CNBD1: variants seen among roughly 807,000 people sequenced by gnomAD.
CNBD1 encodes the protein cyclic nucleotide-binding domain-containing protein 1.
A neutral mutation model predicts 54.4 loss-of-function variants in CNBD1; 71 were observed. That is an observed-to-expected ratio of 1.30 (90% CI 1.08 to 1.59). CNBD1 has a LOEUF of 1.59. CNBD1 is among the 40% of genes most tolerant of loss of function. CNBD1 has a pLI of 0.00. For synonymous variants in CNBD1, 182 were observed against 170.7 expected (o/e 1.07, Z -0.51); for missense variants, 659 against 518.0 (o/e 1.27, Z -2.64).
chr8:87,353,159 A>G (rs771476147), intron 9 of CNBD1, among the ~76,000 whole-genome samples: 11 of 152,178 alleles, frequency 7.2e-5, no homozygotes, highest in Non-Finnish European at 1.6e-4. Flanking sequence ...TTGTACTTAA[A>G]CAGAAAAGAC....
At chr8:87,072,563 T>C (rs2130653719) in intron 4 of CNBD1, among the ~76,000 whole-genome samples, 1 of 147,720 alleles carries the variant, frequency 6.8e-6, no homozygotes, top group East Asian at 2.0e-4. Context: ...CTTTCACTTA[T>C]GAAGCTTAGT....
intron 5 of CNBD1, among the ~76,000 whole-genome samples, chr8:87,218,585 T>C (rs1814262934): frequency 6.6e-6 from 1 of 152,052 alleles, no homozygotes; most frequent in Non-Finnish European, 1.5e-5. Flanking sequence ...TGTAAACTTT[T>C]GGGAGAAATA....
chr8:87,184,955 A>C (rs1259459790), intron 4 of CNBD1, among the ~76,000 whole-genome samples: 2 of 152,110 alleles, frequency 1.3e-5, no homozygotes, highest in Non-Finnish European at 2.9e-5. Context: ...AGTATTTTAA[A>C]ATTATCTTTT....
chr8:86,933,082 G>C (rs1809483584), intron 3 of CNBD1, among the ~76,000 whole-genome samples: 1 of 152,146 alleles, frequency 6.6e-6, no homozygotes, highest in African/African-American at 2.4e-5. Flanking sequence ...GGGAGGGAAG[G>C]GATCTCCAGC....
chr8:87,112,573 CTCAGGAATAG>C (rs2130705879), intron 4 of CNBD1, among the ~76,000 whole-genome samples: 1 of 152,280 alleles, frequency 6.6e-6, no homozygotes, highest in South Asian at 2.1e-4. Context: ...AAAAGTTGCT[CTCAGGAATAG>C]TCACTCAATT....
chr8:87,386,300 C>T (rs771640482), downstream of CNBD1, among the ~76,000 whole-genome samples: 47 of 151,786 alleles, frequency 3.1e-4, no homozygotes, highest in Non-Finnish European at 3.1e-4. Flanking sequence ...AGTTTTCAGA[C>T]GATCAAACTA....
chr8:87,308,959 T>A (rs1809211402), intron 8 of CNBD1, among the ~76,000 whole-genome samples: 1 of 152,324 alleles, frequency 6.6e-6, no homozygotes, highest in Non-Finnish European at 1.5e-5. Context: ...CTATTATGTA[T>A]GCATGCCACA....
chr8:87,034,857 T>C (rs73275718), intron 4 of CNBD1, among the ~76,000 whole-genome samples: 4,553 of 152,252 alleles, frequency 0.03, 232 homozygotes, highest in African/African-American at 0.1. Context: ...GGATCAACTA[T>C]ATACATATAT....
intron 3 of CNBD1, among the ~76,000 whole-genome samples, chr8:86,930,685 A>G (rs1394296783): frequency 5.9e-5 from 9 of 152,244 alleles, no homozygotes; most frequent in Non-Finnish European, 1.2e-4. Context: ...ACAGCTGGAT[A>G]TAGCGGAATT....
chr8:87,152,873 G>A (rs186299668), intron 4 of CNBD1, among the ~76,000 whole-genome samples: 287 of 152,258 alleles, frequency 1.9e-3, no homozygotes, highest in African/African-American at 6.2e-3. Context: ...AGGAAGTTGT[G>A]TTATATTAGT....
At chr8:86,866,887 T>C (rs189510369) in intron 1 of CNBD1, among the ~76,000 whole-genome samples, 2 of 152,330 alleles carry the variant, frequency 1.3e-5, no homozygotes, top group African/African-American at 2.4e-5. Context: ...AGAGGCCACA[T>C]GTTCCACCAG....
Position 86,939,634 on chromosome 8 carries a change from A to G in CNBD1, c.311A>G (p.Gln104Arg). ...NEGKEESQHQ[Q>R]PDDSNNIAVH... is the part of the protein sequence containing the mutation. ...GGCAAAGAGGAAAGTCAACATCAAC[A>G]ACCTGATGATTCTAACAATATAGCT... The change falls in exon 4 of 11, where the codon CAA becomes CGA. Residue 104 changes from glutamine (Q) to arginine (R), a missense_variant. Gln to Arg is a conservative substitution (Grantham distance 43). Transcript: ENST00000518476. 6.2e-7 allele frequency: 1 copy of G among 1,600,676 alleles called. No homozygotes were observed. Among genetic ancestry groups the G allele is most frequent in the Non-Finnish European group, 8.5e-7 (1 of 1,175,018 alleles).
rs574221162 is a variant in CNBD1, at chr8:87,327,935, T to A, written c.1043-23750T>A. On this transcript the variant is annotated intron_variant, in intron 8 of 10. Transcript: ENST00000518476. ...GTGTATTGTGTAAGGTAAGAGTCTGTGTGATTTTTTTTTTGCATGTTGATA... is the reference window on the plus strand; with the variant it reads ...GTGTATTGTGTAAGGTAAGAGTCTGAGTGATTTTTTTTTTGCATGTTGATA... 3.9e-5 allele frequency among the ~76,000 whole-genome samples: 6 copies of A among 152,270 alleles called. No individual in the cohort carries two copies. The South Asian group carries it at 1.2e-3, about 32-fold the overall frequency.
At chr8:87,329,347 C>T (rs1354966010) in intron 8 of CNBD1, among the ~76,000 whole-genome samples, 1 of 152,076 alleles carries the variant, frequency 6.6e-6, no homozygotes, top group East Asian at 1.9e-4. Context: ...GTCAGTCTTT[C>T]AACTTTGTTC....
intron 4 of CNBD1, among the ~76,000 whole-genome samples, chr8:87,074,041 C>T (rs899477204): frequency 5.4e-5 from 8 of 148,946 alleles, no homozygotes; most frequent in Admixed American, 2.7e-4. Context: ...GCAGAGCTTG[C>T]AGTGAGCCGA....
At chr8:87,154,904 C>T (rs190380613) in intron 4 of CNBD1, among the ~76,000 whole-genome samples, 5 of 152,066 alleles carry the variant, frequency 3.3e-5, no homozygotes, top group Admixed American at 6.5e-5. Context: ...ACTCACTCCA[C>T]GCTAATGGGG....
chr8:87,170,032 C>G (rs770587917), intron 4 of CNBD1, among the ~76,000 whole-genome samples: 1 of 151,964 alleles, frequency 6.6e-6, no homozygotes, highest in Non-Finnish European at 1.5e-5. Flanking sequence ...AATTTTGATT[C>G]TTCTAATCCA....
At chr8:87,337,349 C>G (rs955262556) in intron 8 of CNBD1, among the ~76,000 whole-genome samples, 1 of 152,190 alleles carries the variant, frequency 6.6e-6, no homozygotes, top group Non-Finnish European at 1.5e-5. Context: ...ACCCCTCCAA[C>G]TAGGTCCTCA....
chr8:87,420,975 G>A (rs1807923515), intron 2 of CNBD1, among the ~76,000 whole-genome samples: 1 of 151,864 alleles, frequency 6.6e-6, no homozygotes, highest in South Asian at 2.1e-4. Context: ...AGAGACCTAG[G>A]CCAAACACAG....
Sources: gnomAD v4.1 joint callset for allele counts (sites outside exome capture counted in the v4.1 genomes callset) on GRCh38, gnomAD v4.1.1 for gene constraint, MANE v1.5 for transcripts, NCBI Gene and HGNC (gene_info 2026-07-23, HGNC 2026-07-21) for gene names.